STAT4: variants seen among roughly 807,000 people sequenced by gnomAD.
STAT4 encodes the protein signal transducer and activator of transcription 4.
A neutral mutation model predicts 110.5 loss-of-function variants in STAT4; 42 were observed. The observed-to-expected ratio is 0.38, with a 90% CI of 0.30 to 0.49. The LOEUF (loss-of-function observed/expected upper bound fraction) is 0.49, where lower values mean the gene tolerates loss of function less well. Among genes scored for constraint, STAT4 ranks in the 20% least tolerant of loss-of-function variants. The probability of loss-of-function intolerance (pLI) is 0.95; values close to 1 mark genes in which losing one functional copy is unlikely to be tolerated. For synonymous variants in STAT4, 284 were observed against 302.2 expected, an observed-to-expected ratio of 0.94 and a Z score of 0.63; for missense variants, 632 against 887.9, an observed-to-expected ratio of 0.71 and a Z score of 3.66.
At chr2:191,139,763 C>T (rs1699272539) in intron 3 of STAT4, among the ~76,000 whole-genome samples, 1 of 152,096 alleles carries the variant, frequency 6.6e-6, no homozygotes, top group Non-Finnish European at 1.5e-5. Context: ...TCCTAAAATT[C>T]ATATGAAACC....
intron 3 of STAT4, among the ~76,000 whole-genome samples, chr2:191,126,196 C>T (rs1212342472): frequency 2.0e-5 from 3 of 152,152 alleles, no homozygotes; most frequent in Non-Finnish European, 2.9e-5. Context: ...ATTAAACCTA[C>T]TTTAACAAAA....
chr2:191,081,310 A>C (rs561692601), intron 3 of STAT4, among the ~76,000 whole-genome samples: 24 of 152,302 alleles, frequency 1.6e-4, no homozygotes, highest in African/African-American at 5.5e-4. Flanking sequence ...ATATGTGTGC[A>C]TGTGTCTTTA....
At position 191,060,099 on chromosome 2, in the gene STAT4, G is replaced by A. The variant is rs1696808116; in HGVS notation, c.1035-1330C>T. Among the ~76,000 whole-genome samples the A allele has an allele frequency of 6.6e-6, 1 of 152,194 alleles. No homozygotes were observed. Among genetic ancestry groups the A allele is most frequent in the Admixed American group, 6.5e-5 (1 of 15,278 alleles). ...GAGGAGGAGGATGGGTACCCAATAG[G>A]TAGAAGAGGAAGACAGAGCCTTCAA... On this transcript the variant is annotated intron_variant, in intron 10 of 23. Coordinates refer to ENST00000392320, the MANE Select transcript of STAT4 (RefSeq NM_003151.4). The surrounding 1 kb of genome is among the most constrained non-coding windows in gnomAD (Gnocchi z 4.5).
Position 191,061,785 on chromosome 2 carries a change from G to A in STAT4, c.978C>T (p.Thr326=), listed in dbSNP as rs1190726475. ...FVVERQPCMP[T]HPQRPLVLKT... Reference sequence around the variant, plus strand: ...TAAGTACCAACGGCCTCTGAGGGTGGGTTGGCATACATGGCTGTCGCTCAA... The same window carrying A: ...TAAGTACCAACGGCCTCTGAGGGTGAGTTGGCATACATGGCTGTCGCTCAA... Residue 326 remains threonine, a synonymous_variant, in exon 10 of 24, where the codon ACC becomes ACT. Coordinates refer to ENST00000392320, the MANE Select transcript of STAT4 (RefSeq NM_003151.4). The surrounding 1 kb of genome is among the most constrained non-coding windows in gnomAD (Gnocchi z 6.2). 1 of 1,613,000 alleles carries A rather than the reference G, an allele frequency of 6.2e-7. No homozygotes were observed. The highest frequency in any genetic ancestry group is 1.3e-5 in the African/African-American group (1 of 74,918).
At chr2:191,136,410 G>A (rs1310790265) in intron 3 of STAT4, among the ~76,000 whole-genome samples, 1 of 152,192 alleles carries the variant, frequency 6.6e-6, no homozygotes, top group African/African-American at 2.4e-5. Context: ...GAGCTATTAA[G>A]CCAGAGAAGG....
rs1698464548 is a variant in STAT4 at position 191,112,936 on chromosome 2, T to G, written c.273+33677A>C. On this transcript the variant is annotated intron_variant, in intron 3 of 23. Coordinates refer to ENST00000392320, the MANE Select transcript of STAT4 (RefSeq NM_003151.4). This position sits in a 1 kb window ranked among gnomAD's most constrained non-coding sequence, Gnocchi z 4.3. ...ATTAAGAAAAAGAATCTTTTAGCCC[T>G]GCACTGTACTACCAGTTCACTTTGC... 6.6e-6 allele frequency among the ~76,000 whole-genome samples: 1 copy of G among 152,268 alleles called. No individual in the cohort carries two copies.
rs1285981346 is a variant in STAT4, at chr2:191,138,288, CA to C, written c.273+8324del. Among the ~76,000 whole-genome samples the C allele has an allele frequency of 1.3e-5, 2 of 151,284 alleles. No individual in the cohort carries two copies. The highest frequency in any genetic ancestry group is 2.9e-5 in the Non-Finnish European group (2 of 67,802). ...ATCAGAGAACTAAATAAAATCAAAA[CA>C]AAAAAATACAAAAGATAAATGAAAC... On this transcript the variant is annotated intron_variant, in intron 3 of 23. Coordinates refer to ENST00000392320, the MANE Select transcript of STAT4 (RefSeq NM_003151.4). This position sits in a 1 kb window ranked among gnomAD's most constrained non-coding sequence, Gnocchi z 4.3.
chr2:191,141,294 T>C (rs1042832602), intron 3 of STAT4, among the ~76,000 whole-genome samples: 4 of 151,264 alleles, frequency 2.6e-5, no homozygotes, highest in Non-Finnish European at 5.9e-5. Context: ...TAAGAAAAAA[T>C]GCTCAACATC....
intron 3 of STAT4, among the ~76,000 whole-genome samples, chr2:191,122,906 A>G (rs1339648876): frequency 6.6e-6 from 1 of 152,238 alleles, no homozygotes; most frequent in Non-Finnish European, 1.5e-5. Context: ...GGTGGTAGTT[A>G]TATGGATGTA....
At chr2:191,136,177 G>A (rs569753428) in intron 3 of STAT4, among the ~76,000 whole-genome samples, 2 of 152,208 alleles carry the variant, frequency 1.3e-5, no homozygotes, top group South Asian at 4.1e-4. Context: ...AAAAGCATTT[G>A]GTGAAATTCA....
intron 8 of STAT4, 67 bp downstream of exon 8, chr2:191,064,740 G>A: frequency 6.4e-7 from 1 of 1,551,722 alleles, no homozygotes; most frequent in Non-Finnish European, 8.7e-7. Context: ...GCGTTCTCTG[G>A]CTGAGTGACA....
At chr2:191,151,189 G>A (rs760807371), upstream of STAT4, 135 of 985,420 alleles carry the variant, frequency 1.4e-4, no homozygotes, top group Non-Finnish European at 1.5e-4. This position sits in a 1 kb window ranked among gnomAD's most constrained non-coding sequence, Gnocchi z 4.7. Context: ...CCCCTTCACC[G>A]GGCGTCCTCT....
chr2:191,058,723 C>T lies in STAT4; in HGVS notation c.1081G>A (p.Ala361Thr), dbSNP rs751746803. 3.3e-5 allele frequency: 53 copies of T among 1,589,856 alleles called. No individual in the cohort carries two copies. The highest frequency in any genetic ancestry group is 1.4e-4 in the African/African-American group (10 of 74,056). The part of the protein sequence containing the change: ...PELNYQVKVK[A>T]SIDKNVSTLS... The stretch of plus-strand genomic sequence containing the variant: ...TAGAAAACTTACTTGTCAATTGATG[C>T]CTTAACCTTTACCTGATAGTTTAGT... The change falls in exon 11 of 24, where the codon GCA (alanine) becomes ACA (threonine). Residue 361 changes from alanine (A) to threonine (T), a missense_variant. Around this residue, in one of 4 missense-constraint regions of STAT4, gnomAD observed 488 missense variants for 632.8 expected, o/e 0.77. Coordinates refer to ENST00000392320, the MANE Select transcript of STAT4 (RefSeq NM_003151.4). This position sits in a 1 kb window ranked among gnomAD's most constrained non-coding sequence, Gnocchi z 4.3.
intron 3 of STAT4, among the ~76,000 whole-genome samples, chr2:191,122,489 T>C (rs1698765852): frequency 6.6e-6 from 1 of 152,158 alleles, no homozygotes. Flanking sequence ...TACCCAGCCA[T>C]TGTACCTCTG....
chr2:191,061,748 G>A lies in STAT4; in HGVS notation c.1015C>T (p.Gln339Ter). Residue 339 changes from glutamine to a stop codon, truncating the protein, a stop_gained, in exon 10 of 24, where the codon CAG (glutamine) becomes TAG (stop). Transcript: ENST00000392320. LOFTEE classifies it high-confidence loss of function. The surrounding 1 kb of genome is among the most constrained non-coding windows in gnomAD (Gnocchi z 6.2). Reference sequence around the variant, plus strand: ...GCCTACCTTAGTTTTACAGTGAACTGAATTAGGGTTTTAAGTACCAACGGC... The same window carrying A: ...GCCTACCTTAGTTTTACAGTGAACTAAATTAGGGTTTTAAGTACCAACGGC... The part of the protein sequence containing the change: ...QRPLVLKTLI[Q>*]FTVKLRLLIK... 6.2e-7 allele frequency: 1 copy of A among 1,613,908 alleles called. No homozygotes were observed.
At position 191,033,868 on chromosome 2, in the gene STAT4, AG is replaced by A; in HGVS notation, c.1715+42del. On this transcript the variant is annotated intron_variant, in intron 19 of 23. Transcript: ENST00000392320. The surrounding 1 kb of genome is among the most constrained non-coding windows in gnomAD (Gnocchi z 6.9). ...AGAAAACCAATAACAACAGAAAAAA[AG>A]AACATAATTAACTCATATGAAAAAT... 6.7e-7 allele frequency: 1 copy of A among 1,489,368 alleles called. No individual in the cohort carries two copies. Among genetic ancestry groups the A allele is most frequent in the Non-Finnish European group, 9.1e-7 (1 of 1,093,428 alleles). The allele number at this position is 1,489,368 out of a possible 1,614,324, so 92.3% of individuals were successfully genotyped here.
chr2:191,136,030 A>AC (rs1699174253), intron 3 of STAT4, among the ~76,000 whole-genome samples: 4 of 151,706 alleles, frequency 2.6e-5, no homozygotes, highest in Non-Finnish European at 5.9e-5. Context: ...AAACCAAAAA[A>AC]CAAAAAACCA....
rs982227719 is a variant in STAT4, at chr2:191,037,039, C to T, written c.1435-740G>A. 1.3e-5 allele frequency among the ~76,000 whole-genome samples: 2 copies of T among 152,158 alleles called. No homozygotes were observed. Among genetic ancestry groups the T allele is most frequent in the African/African-American group, 2.4e-5 (1 of 41,424 alleles). ...TCGCTTGACATCTCTTTAACTTTTC[C>T]GTATCAGTCTACTCATGCAAGAACT... On this transcript the variant is annotated intron_variant, in intron 16 of 23. Coordinates refer to ENST00000392320, the MANE Select transcript of STAT4 (RefSeq NM_003151.4). This position sits in a 1 kb window ranked among gnomAD's most constrained non-coding sequence, Gnocchi z 4.8.
Position 191,082,199 on chromosome 2 carries a change from A to T in STAT4, c.274-5874T>A, listed in dbSNP as rs1466947787. Among the ~76,000 whole-genome samples the T allele has an allele frequency of 6.6e-6, 1 of 152,148 alleles. No homozygotes were observed. The highest frequency in any genetic ancestry group is 1.5e-5 in the Non-Finnish European group (1 of 68,042). ...TGAGCATCTTCCTTTCTTACATCCT[A>T]TAAAGGATTTTATTGTTGCTTTCCA... is the stretch of plus-strand genomic sequence containing the variant. On this transcript the variant is annotated intron_variant, in intron 3 of 23. Coordinates refer to ENST00000392320, the MANE Select transcript of STAT4 (RefSeq NM_003151.4). The surrounding 1 kb of genome is among the most constrained non-coding windows in gnomAD (Gnocchi z 4.7).
Sources: allele counts gnomAD v4.1 joint callset (sites outside exome capture counted in the v4.1 genomes callset), GRCh38; gene constraint gnomAD v4.1.1; regional missense constraint gnomAD v4.1.1; non-coding constraint Gnocchi (gnomAD v3.1); transcripts MANE v1.5; gene names NCBI Gene and HGNC (gene_info 2026-07-23, HGNC 2026-07-21).